Variants in TEAD1 observed in about 807,000 individuals in gnomAD.
TEAD1 encodes the protein TEA domain transcription factor 1.
Under a neutral mutation model 54.9 loss-of-function variants are expected in TEAD1, and 9 were observed. That is an observed-to-expected ratio of 0.16 (90% CI 0.10 to 0.29). The LOEUF (loss-of-function observed/expected upper bound fraction) is 0.29. Among genes scored for constraint, TEAD1 ranks in the 10% least tolerant of loss-of-function variants. The pLI, the probability that TEAD1 is intolerant of heterozygous loss-of-function variation, is 1.00. For synonymous variants in TEAD1, 200 were observed against 187.8 expected (o/e 1.07, Z -0.53); for missense variants, 387 against 535.9 (o/e 0.72, Z 2.74).
At chr11:12,863,727 G>A (rs1394802860) in intron 4 of TEAD1, among the ~76,000 whole-genome samples, 2 of 152,060 alleles carry the variant, frequency 1.3e-5, no homozygotes, top group East Asian at 3.9e-4. Context: ...TGGTCTGTGA[G>A]CTCTGGTCAT....
chr11:12,729,238 C>T (rs372114706), intron 2 of TEAD1, among the ~76,000 whole-genome samples: 46 of 152,288 alleles, frequency 3.0e-4, no homozygotes, highest in African/African-American at 9.6e-4. Flanking sequence ...ATCATGTGGA[C>T]GAGATTCCCC....
At chr11:12,689,858 T>C (rs1195286875) in intron 2 of TEAD1, among the ~76,000 whole-genome samples, 1 of 152,092 alleles carries the variant, frequency 6.6e-6, no homozygotes, top group African/African-American at 2.4e-5. Context: ...CCGTTTCATC[T>C]GTAAATTAGT....
intron 3 of TEAD1, chr11:12,822,404 T>G (rs563652129): frequency 6.6e-6 from 1 of 152,364 alleles, no homozygotes; most frequent in South Asian, 2.1e-4. Context: ...ACATACTTAC[T>G]GTCAGATAAA....
chr11:12,754,914 A>G (rs1467420774), intron 2 of TEAD1, among the ~76,000 whole-genome samples: 3 of 152,210 alleles, frequency 2.0e-5, no homozygotes, highest in Non-Finnish European at 4.4e-5. Context: ...AGAAGCATCC[A>G]AAGTCATAGA....
chr11:12,843,193 T>A (rs1207249633), intron 3 of TEAD1, among the ~76,000 whole-genome samples: 1 of 152,166 alleles, frequency 6.6e-6, no homozygotes, highest in African/African-American at 2.4e-5. Flanking sequence ...AGGGTGCACA[T>A]AGATCTTGCT....
At chr11:12,795,894 A>C (rs547807647) in intron 3 of TEAD1, among the ~76,000 whole-genome samples, 14 of 152,314 alleles carry the variant, frequency 9.2e-5, no homozygotes, top group Non-Finnish European at 1.9e-4. Context: ...CACGCCATTG[A>C]ATCAGATCTC....
intron 11 of TEAD1, among the ~76,000 whole-genome samples, chr11:12,929,192 G>A (rs1564994337): frequency 1.2e-5 from 1 of 85,778 alleles, no homozygotes; most frequent in African/African-American, 4.2e-5. Flanking sequence ...GTGTGTGTGT[G>A]TGTGTGTGTC....
At chr11:12,831,958 G>A (rs1487814259) in intron 3 of TEAD1, among the ~76,000 whole-genome samples, 4 of 152,072 alleles carry the variant, frequency 2.6e-5, no homozygotes, top group Non-Finnish European at 4.4e-5. Context: ...CTCTCAACAG[G>A]TATTAAGAGG....
chr11:12,724,377 C>T (rs189727305), intron 2 of TEAD1, among the ~76,000 whole-genome samples: 2 of 152,320 alleles, frequency 1.3e-5, no homozygotes, highest in East Asian at 1.9e-4. Flanking sequence ...TTTCCCTTCC[C>T]GCACACCTCT....
At chr11:12,834,298 A>G (rs1364122108) in intron 3 of TEAD1, among the ~76,000 whole-genome samples, 1 of 152,250 alleles carries the variant, frequency 6.6e-6, no homozygotes, top group Non-Finnish European at 1.5e-5. Context: ...TTTGTCACAT[A>G]GGATAGACAG....
intron 3 of TEAD1, among the ~76,000 whole-genome samples, chr11:12,766,348 G>A (rs528781905): frequency 6.6e-6 from 1 of 152,336 alleles, no homozygotes; most frequent in African/African-American, 2.4e-5. Flanking sequence ...ATATTTTTAT[G>A]TGAAAATAAT....
At chr11:12,834,287 ATT>A (rs1946839300) in intron 3 of TEAD1, among the ~76,000 whole-genome samples, 1 of 152,248 alleles carries the variant, frequency 6.6e-6, no homozygotes, top group Admixed American at 6.5e-5. Context: ...TTTTTAAATC[ATT>A]TGTCACATAG....
chr11:12,881,368 C>T (rs531522694), intron 7 of TEAD1, among the ~76,000 whole-genome samples: 18 of 152,178 alleles, frequency 1.2e-4, no homozygotes, highest in African/African-American at 3.9e-4. Flanking sequence ...TGAGAAAGGG[C>T]GGCACAGGTG....
At chr11:12,725,484 A>G (rs2133871348) in intron 2 of TEAD1, among the ~76,000 whole-genome samples, 1 of 152,334 alleles carries the variant, frequency 6.6e-6, no homozygotes, top group African/African-American at 2.4e-5. Flanking sequence ...ATTGTTCCCA[A>G]CACATAATAA....
intron 3 of TEAD1, among the ~76,000 whole-genome samples, chr11:12,805,818 T>G (rs1946159470): frequency 6.6e-6 from 1 of 152,234 alleles, no homozygotes; most frequent in Non-Finnish European, 1.5e-5. Flanking sequence ...ATTGATCTGT[T>G]TAAATCAAGT....
At chr11:12,817,620 T>A (rs1356094520) in intron 3 of TEAD1, among the ~76,000 whole-genome samples, 3 of 152,288 alleles carry the variant, frequency 2.0e-5, no homozygotes, top group African/African-American at 7.2e-5. Flanking sequence ...AAGCTTTTCA[T>A]AGTAATATAA....
intron 3 of TEAD1, among the ~76,000 whole-genome samples, chr11:12,765,007 T>C (rs1260842172): frequency 6.6e-6 from 1 of 151,874 alleles, no homozygotes; most frequent in Non-Finnish European, 1.5e-5. Context: ...GAACCACCAA[T>C]TTGCTACTTT....
At chr11:12,936,134 C>A (rs557902227) in intron 12 of TEAD1, among the ~76,000 whole-genome samples, 1 of 152,086 alleles carries the variant, frequency 6.6e-6, no homozygotes, top group African/African-American at 2.4e-5. Flanking sequence ...GTCACTGACG[C>A]GTTTCATGTT....
chr11:12,835,883 G>A (rs1019673502), intron 3 of TEAD1, among the ~76,000 whole-genome samples: 1 of 152,270 alleles, frequency 6.6e-6, no homozygotes, highest in East Asian at 1.9e-4. Flanking sequence ...CAAAGTTTCA[G>A]TTAGGAGGAA....
Sources: gnomAD v4.1 joint callset for allele counts (sites outside exome capture counted in the v4.1 genomes callset) on GRCh38, gnomAD v4.1.1 for gene constraint, MANE v1.5 for transcripts, NCBI Gene and HGNC (gene_info 2026-07-23, HGNC 2026-07-21) for gene names.